LSR: variants seen among roughly 807,000 people sequenced by gnomAD.
The protein encoded by LSR is lipolysis-stimulated lipoprotein receptor.
LSR carries 44 observed loss-of-function variants against 61.8 expected under a neutral mutation model. That is an observed-to-expected ratio of 0.71 (90% CI 0.56 to 0.91). The LOEUF (loss-of-function observed/expected upper bound fraction) is 0.91, where lower values mean the gene tolerates loss of function less well. LSR is among the 40% of genes least tolerant of loss of function. The pLI is 0.00. For missense variants in LSR, 911 were observed against 830.5 expected (o/e 1.10, Z -1.19); for synonymous variants, 397 against 350.6 (o/e 1.13, Z -1.48).
At chr19:35,253,178 G>A (rs2145497489) in intron 2 of LSR, 1 of 152,358 alleles carries the variant, frequency 6.6e-6, no homozygotes, top group Admixed American at 6.5e-5. Flanking sequence ...AATTTAGCCG[G>A]GCGTGGTGGT....
chr19:35,260,622 A>G (rs1176384334), intron 3 of LSR, among the ~76,000 whole-genome samples: 1 of 152,140 alleles, frequency 6.6e-6, no homozygotes, highest in Non-Finnish European at 1.5e-5. Flanking sequence ...AGCCCAAGAT[A>G]CACAAGGAAG....
At chr19:35,260,741 C>T (rs1044069183) in intron 3 of LSR, among the ~76,000 whole-genome samples, 1 of 152,052 alleles carries the variant, frequency 6.6e-6, no homozygotes, top group Non-Finnish European at 1.5e-5. Flanking sequence ...GCAGGAGTAT[C>T]GCTTGCACCC....
At position 35,267,434 on chromosome 19, in the gene LSR, C is replaced by A. The variant is rs1350590528; in HGVS notation, c.1470C>A (p.Asp490Glu). 1.9e-6 allele frequency: 3 copies of A among 1,610,774 alleles called. No homozygotes were observed. The highest frequency in any genetic ancestry group is 1.7e-6 in the Non-Finnish European group (2 of 1,179,416). The change falls in exon 9 of 10, where the codon GAC (aspartate) becomes GAA (glutamate). Residue 490 changes from aspartate (D) to glutamate (E), a missense_variant. Transcript: ENST00000605618. ...GCCGGGACGACCTCTATGACCAAGA[C>A]GACTCGAGGGACTTCCCACGCTCCC... ...SRSRDDLYDQ[D>E]DSRDFPRSRD...
intron 1 of LSR, 157 bp downstream of exon 1, chr19:35,249,288 G>A: frequency 2.2e-6 from 2 of 903,966 alleles, no homozygotes; most frequent in Non-Finnish European, 3.2e-6. Context: ...GCGCGGGAGT[G>A]AGAGGAATTC....
intron 5 of LSR, 55 bp downstream of exon 5, chr19:35,262,747 A>G: frequency 3.1e-6 from 5 of 1,588,360 alleles, no homozygotes; most frequent in Non-Finnish European, 4.3e-6. Context: ...CATCCAAGGG[A>G]AGGAGGTGGC....
rs748717222 is a variant in LSR at position 35,267,698 on chromosome 19, C to T, written c.1734C>T (p.Thr578=). ...YPPAPPPYSE[T]DSQASRERRL... ...CCGCGCCGCCCCCGTACTCGGAGAC[C>T]GACTCGCAGGCGTCCCGAGAGCGCA... is the stretch of plus-strand genomic sequence containing the variant. The change falls in exon 9 of 10, where the codon ACC becomes ACT. Residue 578 remains threonine, a synonymous_variant. Transcript: ENST00000605618. 6.2e-7 allele frequency: 1 copy of T among 1,603,532 alleles called. No homozygotes were observed. The highest frequency in any genetic ancestry group is 8.5e-7 in the Non-Finnish European group (1 of 1,175,684).
At position 35,250,324 on chromosome 19, in the gene LSR, G is replaced by C; in HGVS notation, c.119G>C (p.Arg40Thr). 1 of 1,546,764 alleles carries C rather than the reference G, an allele frequency of 6.5e-7. No homozygotes were observed. The highest frequency in any genetic ancestry group is 8.8e-7 in the Non-Finnish European group (1 of 1,139,190). The change falls in exon 2 of 10, where the codon AGG becomes ACG. Residue 40 changes from arginine to threonine, a missense_variant. Arg to Thr is a moderately conservative substitution (Grantham distance 71). Coordinates refer to ENST00000605618, the MANE Select transcript of LSR (RefSeq NM_205834.4). ...CTCCTCTTGCCCTCAGCTCCTGCCA[G>C]GGCCATCCAGGTGACCGTGTCCAAC... ...LLSTWCTAPA[R>T]AIQVTVSNPY...
Position 35,266,905 on chromosome 19 carries a change from A to G in LSR, c.1082A>G (p.Glu361Gly), listed in dbSNP as rs1599608924. The G allele has an allele frequency of 6.2e-7, 1 of 1,613,728 alleles. No individual in the cohort carries two copies. Among genetic ancestry groups the G allele is most frequent in the Non-Finnish European group, 8.5e-7 (1 of 1,179,854 alleles). The change falls in exon 8 of 10, where the codon GAG becomes GGG. Residue 361 changes from glutamate (E) to glycine (G), a missense_variant. By Grantham distance (98) the Glu-to-Gly change is moderately conservative. Transcript: ENST00000605618. ...TCCATGCGGGTCCTGTACTACATGG[A>G]GAAGGAGCTGGCCAACTTCGACCCT... Reference protein sequence around the residue: ...DDSMRVLYYMEKELANFDPSR... With the variant: ...DDSMRVLYYMGKELANFDPSR...
chr19:35,259,045 C>G lies in LSR; in HGVS notation c.555C>G (p.Tyr185Ter). Reference protein sequence around the residue: ...AQDLQGNNEAYAELIVLGRTS... With the variant: ...AQDLQGNNEA The stretch of plus-strand genomic sequence containing the variant: ...ACCTCCAGGGGAACAATGAGGCCTA[C>G]GCAGAGCTCATCGTCCTTGGTGAGT... Residue 185 changes from tyrosine (Y) to a stop codon, truncating the protein, a stop_gained, in exon 3 of 10, where the codon TAC becomes TAG. Coordinates refer to ENST00000605618, the MANE Select transcript of LSR (RefSeq NM_205834.4). LOFTEE classifies it high-confidence loss of function. The G allele has an allele frequency of 1.2e-6, 2 of 1,613,862 alleles. No individual in the cohort carries two copies. Among genetic ancestry groups the G allele is most frequent in the Non-Finnish European group, 1.7e-6 (2 of 1,179,880 alleles).
At position 35,267,742 on chromosome 19, in the gene LSR, C is replaced by A; in HGVS notation, c.1770+8C>A. On this transcript the variant is annotated splice_region_variant and intron_variant, in intron 9 of 9. Coordinates refer to ENST00000605618, the MANE Select transcript of LSR (RefSeq NM_205834.4). ...GAGCGCAGGCTCAAGAAGGTGAGGG[C>A]CGCCCTCCCTGGCGTCCAGACCGTC... The A allele has an allele frequency of 6.2e-7, 1 of 1,610,530 alleles. No homozygotes were observed. The highest frequency in any genetic ancestry group is 8.5e-7 in the Non-Finnish European group (1 of 1,178,894).
At chr19:35,256,602 G>A (rs1370595076) in intron 2 of LSR, among the ~76,000 whole-genome samples, 1 of 152,162 alleles carries the variant, frequency 6.6e-6, no homozygotes, top group Non-Finnish European at 1.5e-5. Flanking sequence ...GGAACCCCAG[G>A]GTCTAGAGGC....
chr19:35,260,418 G>A (rs2519960), intron 3 of LSR, among the ~76,000 whole-genome samples: 101,172 of 150,310 alleles, frequency 0.67, 35,089 homozygotes, highest in Middle Eastern at 0.81. Context: ...CAGCCTCCCA[G>A]GTAGCTGGGA....
chr19:35,266,697 A>G lies in LSR; in HGVS notation c.971A>G (p.Tyr324Cys). The change falls in exon 7 of 10, where the codon TAT (tyrosine) becomes TGT (cysteine). Residue 324 changes from tyrosine (Y) to cysteine (C), a missense_variant. Tyr to Cys is a radical substitution (Grantham distance 194). Transcript: ENST00000605618. Reference sequence around the variant, plus strand: ...CCCCCAGCTGGTGGCCAAGGCTCCTATGTACCCCTGCTTCGGGACACGGAC... The same window carrying G: ...CCCCCAGCTGGTGGCCAAGGCTCCTGTGTACCCCTGCTTCGGGACACGGAC... ...RSSSAGGQGS[Y>C]VPLLRDTDSS... 1 of 1,609,220 alleles carries G rather than the reference A, an allele frequency of 6.2e-7. No individual in the cohort carries two copies.
rs146621625 is a variant in LSR at position 35,262,557 on chromosome 19, G to C, written c.643G>C (p.Val215Leu). The change falls in exon 5 of 10, where the codon GTG (valine) becomes CTG (leucine). Residue 215 changes from valine to leucine, a missense_variant. Physicochemically the swap from Val to Leu is conservative, Grantham distance 32. Transcript: ENST00000605618. ...TTGTCTTTCTGCAGACTGGCTCTTCGTGGTTGTGGTATGCCTGGCTGCCTT... is the reference window on the plus strand; with the variant it reads ...TTGTCTTTCTGCAGACTGGCTCTTCCTGGTTGTGGTATGCCTGGCTGCCTT... Reference protein sequence around the residue: ...QAGPIEDWLFVVVVCLAAFLI... With the variant: ...QAGPIEDWLFLVVVCLAAFLI... The C allele has an allele frequency of 8.1e-6, 13 of 1,614,098 alleles. No individual in the cohort carries two copies. Among genetic ancestry groups the C allele is most frequent in the South Asian group, 1.1e-5 (1 of 91,090 alleles).
chr19:35,259,714 C>T (rs1296460554), intron 3 of LSR, among the ~76,000 whole-genome samples: 2 of 152,158 alleles, frequency 1.3e-5, no homozygotes, highest in East Asian at 3.9e-4. Context: ...AAAATCGACC[C>T]ACCTCTTGCT....
In LSR at chr19:35,261,918, C is replaced by A; in HGVS notation, c.575-7C>A. On this transcript the variant is annotated splice_region_variant and splice_polypyrimidine_tract_variant and intron_variant, in intron 3 of 9. Transcript: ENST00000605618. ...CAGCATAATCTGTTTCTCTTTTGTC[C>A]CTCCAGGGAGGACCTCAGGGGTGGC... The A allele has an allele frequency of 6.9e-7, 1 of 1,453,310 alleles. No homozygotes were observed. The highest frequency in any genetic ancestry group is 9.1e-7 in the Non-Finnish European group (1 of 1,103,712). 90.0% of individuals were successfully genotyped at this position (1,453,310 alleles called of 1,614,324 possible).
At position 35,266,720 on chromosome 19, in the gene LSR, GACA is replaced by G. The variant is rs2066006160; in HGVS notation, c.995_997del (p.Asp332_Ser333delinsGly). On this transcript the variant is annotated inframe_deletion, in exon 7 of 10. Coordinates refer to ENST00000605618, the MANE Select transcript of LSR (RefSeq NM_205834.4). Reference sequence around the variant, plus strand: ...CTATGTACCCCTGCTTCGGGACACGGACAGCAGTGTGGCCTCTGGTGAGAATCC... The same window carrying G: ...CTATGTACCCCTGCTTCGGGACACGGGCAGTGTGGCCTCTGGTGAGAATCC... 6.2e-7 allele frequency: 1 copy of G among 1,609,282 alleles called. No individual in the cohort carries two copies. The highest frequency in any genetic ancestry group is 1.3e-5 in the African/African-American group (1 of 75,018).
intron 2 of LSR, among the ~76,000 whole-genome samples, chr19:35,252,955 A>G (rs1408711661): frequency 6.6e-6 from 1 of 152,132 alleles, no homozygotes; most frequent in African/African-American, 2.4e-5. Flanking sequence ...TGAGAGGTCA[A>G]GGCTTCAGTG....
chr19:35,261,612 G>A (rs1422475733), intron 3 of LSR, among the ~76,000 whole-genome samples: 1 of 152,210 alleles, frequency 6.6e-6, no homozygotes, highest in Non-Finnish European at 1.5e-5. Context: ...GGAGCCCTTT[G>A]GGGTGCTAAG....
Sources: gnomAD v4.1 joint callset for allele counts (sites outside exome capture counted in the v4.1 genomes callset) on GRCh38, gnomAD v4.1.1 for gene constraint, MANE v1.5 for transcripts, NCBI Gene and HGNC (gene_info 2026-07-23, HGNC 2026-07-21) for gene names.